Variants in CDH13 observed in about 807,000 individuals in gnomAD.
CDH13 encodes the protein cadherin-13.
Under a neutral mutation model 63.8 loss-of-function variants are expected in CDH13, and 24 were observed. The observed-to-expected ratio is 0.38, with a 90% CI of 0.27 to 0.53. The LOEUF (loss-of-function observed/expected upper bound fraction) is 0.53, where lower values mean the gene tolerates loss of function less well. Among genes scored for constraint, CDH13 ranks in the 20% least tolerant of loss-of-function variants. The pLI is 0.85. For synonymous variants in CDH13, 503 were observed against 355.3 expected (o/e 1.42, Z -4.67); for missense variants, 1,049 against 903.1 (o/e 1.16, Z -2.07).
chr16:83,037,273 C>T (rs904573304), intron 3 of CDH13, among the ~76,000 whole-genome samples: 1 of 152,174 alleles, frequency 6.6e-6, no homozygotes, highest in Non-Finnish European at 1.5e-5. Context: ...TTACCCCTTC[C>T]TGCAGATATG....
At chr16:83,556,093 G>A (rs766599494) in intron 7 of CDH13, among the ~76,000 whole-genome samples, 7 of 152,152 alleles carry the variant, frequency 4.6e-5, no homozygotes, top group Non-Finnish European at 5.9e-5. Context: ...GAGATAAATC[G>A]TGTAGGCACA....
chr16:83,480,542 G>A (rs1385043441), intron 6 of CDH13, among the ~76,000 whole-genome samples: 2 of 152,166 alleles, frequency 1.3e-5, no homozygotes, highest in Non-Finnish European at 2.9e-5. Flanking sequence ...TGTTTGGGGT[G>A]GCCAGTTGAG....
chr16:82,874,789 A>C (rs2040452035), intron 2 of CDH13, among the ~76,000 whole-genome samples: 2 of 152,152 alleles, frequency 1.3e-5, no homozygotes. Flanking sequence ...TTGAAAACAG[A>C]ATGAGAGTAA....
intron 5 of CDH13, among the ~76,000 whole-genome samples, chr16:83,263,409 AAT>A (rs915053636): frequency 9.2e-5 from 14 of 152,182 alleles, no homozygotes; most frequent in African/African-American, 3.4e-4. Context: ...CCTTTTAGGA[AAT>A]ATCCATTTCC....
At chr16:83,259,274 C>G (rs1906671052) in intron 5 of CDH13, among the ~76,000 whole-genome samples, 1 of 152,188 alleles carries the variant, frequency 6.6e-6, no homozygotes, top group Non-Finnish European at 1.5e-5. Flanking sequence ...AATCTGGTAT[C>G]CACGTCATTG....
chr16:83,253,484 G>C (rs189089823), intron 5 of CDH13, among the ~76,000 whole-genome samples: 29 of 152,300 alleles, frequency 1.9e-4, no homozygotes, highest in African/African-American at 6.7e-4. Context: ...AGGCACATTC[G>C]CCACAAGATA....
intron 9 of CDH13, among the ~76,000 whole-genome samples, chr16:83,675,901 T>TCATTCATTCATTCATTCATG (rs1361033888): frequency 6.6e-6 from 1 of 152,264 alleles, no homozygotes; most frequent in African/African-American, 2.4e-5. Flanking sequence ...GTCAATTCAT[T>TCATTCATTCATTCATTCATG]CATTCATTCA....
At chr16:83,757,525 C>T (rs1181956736) in intron 11 of CDH13, among the ~76,000 whole-genome samples, 2 of 152,148 alleles carry the variant, frequency 1.3e-5, no homozygotes, top group East Asian at 1.9e-4. Flanking sequence ...TTGCAGTGAA[C>T]CAAGATCGCA....
chr16:83,421,416 T>C (rs1363306944), intron 6 of CDH13, among the ~76,000 whole-genome samples: 2 of 152,220 alleles, frequency 1.3e-5, no homozygotes, highest in Non-Finnish European at 2.9e-5. Flanking sequence ...ATTATGAATC[T>C]TAGCTCTCTA....
At chr16:83,142,713 A>G (rs900565950) in intron 4 of CDH13, among the ~76,000 whole-genome samples, 1 of 152,178 alleles carries the variant, frequency 6.6e-6, no homozygotes, top group Non-Finnish European at 1.5e-5. Context: ...TTCAGCATCT[A>G]GGATATGTCT....
chr16:82,884,140 C>T (rs920988882), intron 2 of CDH13: 1 of 454,122 alleles, frequency 2.2e-6, no homozygotes, highest in Non-Finnish European at 4.4e-6. Context: ...TGTCTGCATG[C>T]ACGCTGTTTC....
At chr16:82,760,496 C>G (rs2034793092) in intron 1 of CDH13, among the ~76,000 whole-genome samples, 1 of 152,070 alleles carries the variant, frequency 6.6e-6, no homozygotes, top group South Asian at 2.1e-4. Flanking sequence ...CAACACCTTA[C>G]TTTAGGAGAT....
At chr16:83,429,488 C>G (rs1198352826) in intron 6 of CDH13, among the ~76,000 whole-genome samples, 1 of 151,438 alleles carries the variant, frequency 6.6e-6, no homozygotes, top group East Asian at 1.9e-4. Flanking sequence ...ATGACCATTA[C>G]ATATACACTA....
intron 8 of CDH13, among the ~76,000 whole-genome samples, chr16:83,614,893 G>A (rs12929961): frequency 0.18 from 27,804 of 152,090 alleles, 2,756 homozygotes; most frequent in African/African-American, 0.24. Context: ...ACTTATTTCA[G>A]TAAAAGTTTA....
chr16:82,819,711 C>T (rs1203373783), intron 1 of CDH13, among the ~76,000 whole-genome samples: 2 of 152,200 alleles, frequency 1.3e-5, no homozygotes, highest in African/African-American at 4.8e-5. Context: ...CCTTTCTCCT[C>T]CTTTCTTCTT....
chr16:82,832,082 A>C (rs776595828), intron 1 of CDH13, among the ~76,000 whole-genome samples: 1 of 152,240 alleles, frequency 6.6e-6, no homozygotes, highest in Non-Finnish European at 1.5e-5. Context: ...CCCTTATCTT[A>C]TAATTACCTC....
chr16:82,717,866 TG>T (rs5818401), intron 1 of CDH13, among the ~76,000 whole-genome samples: 85,685 of 151,904 alleles, frequency 0.56, 24,456 homozygotes, highest in East Asian at 0.77. Flanking sequence ...CATCAGTTAG[TG>T]GGGGGGAAGT....
chr16:83,006,935 T>G lies in CDH13; in HGVS notation c.158-25075T>G, dbSNP rs531768576. ...TTGTTTGTTTGTTTGTTTGTTTGTT[T>G]TTTTTGAGACAGAGTTTCACTCTTA... On this transcript the variant is annotated intron_variant, in intron 2 of 13. Transcript: ENST00000567109. Among the ~76,000 whole-genome samples the G allele has an allele frequency of 3.0e-4, 37 of 121,968 alleles. 2 individuals carry two copies. In the South Asian group the frequency reaches 5.8e-3, roughly 19 times the overall value. 80.0% of individuals were successfully genotyped at this position (121,968 alleles called of 152,430 possible). A position where few individuals can be genotyped will look rare whatever the true frequency, so the allele number is the denominator to read the frequency against.
Position 82,799,346 on chromosome 16 carries a change from C to G in CDH13, c.46-59016C>G, listed in dbSNP as rs372444850. ...AAATTAAGAGCTTGGCACCCAATCC[C>G]CACTTGGACTACAAATCACTTCCTC... On this transcript the variant is annotated intron_variant, in intron 1 of 13. Transcript: ENST00000567109. 3.5e-4 allele frequency among the ~76,000 whole-genome samples: 53 copies of G among 152,290 alleles called. 1 individual carries two copies. The South Asian group carries it at 0.011, about 32-fold the overall frequency.
Sources: allele counts gnomAD v4.1 joint callset (sites outside exome capture counted in the v4.1 genomes callset), GRCh38; gene constraint gnomAD v4.1.1; transcripts MANE v1.5; gene names NCBI Gene and HGNC (gene_info 2026-07-23, HGNC 2026-07-21).